GALNT11: variants seen among roughly 807,000 people sequenced by gnomAD.
The protein encoded by GALNT11 is UDP-GalNAc:polypeptide N-acetylgalactosaminyltransferase 11.
In GALNT11, 47 loss-of-function variants were observed where a neutral mutation model predicts 72.7. The observed-to-expected ratio is 0.65, with a 90% CI of 0.51 to 0.82. GALNT11 has a LOEUF of 0.82. Among genes scored for constraint, GALNT11 ranks in the 40% least tolerant of loss-of-function variants. GALNT11 has a pLI of 0.00. For synonymous variants in GALNT11, 270 were observed against 286.6 expected, an observed-to-expected ratio of 0.94 and a Z score of 0.58; for missense variants, 677 against 778.4, an observed-to-expected ratio of 0.87 and a Z score of 1.55.
chr7:152,046,106 C>A (rs1012697542), intron 1 of GALNT11, among the ~76,000 whole-genome samples: 4 of 152,054 alleles, frequency 2.6e-5, no homozygotes, highest in African/African-American at 7.2e-5. Flanking sequence ...TTCCCAAATT[C>A]TTCTTGTAAT....
intron 1 of GALNT11, among the ~76,000 whole-genome samples, chr7:152,069,798 A>T (rs2084519625): frequency 6.6e-6 from 1 of 152,138 alleles, no homozygotes. Context: ...AAAGCTTTAT[A>T]GTTCAAGTTG....
chr7:152,113,095 C>A, intron 7 of GALNT11, 151 bp from the exon 8 acceptor site: 2 of 772,556 alleles, frequency 2.6e-6, no homozygotes, highest in Non-Finnish European at 4.0e-6. Context: ...TTCTCATTTC[C>A]TTCTATTTGA....
chr7:152,117,169 T>C lies in GALNT11; in HGVS notation c.1246T>C (p.Ser416Pro). Residue 416 changes from serine (S) to proline (P), a missense_variant, in exon 9 of 12, where the codon TCC becomes CCC. Transcript: ENST00000430044. ...TTTTTAAATTCAGGAGCAGTATTTT[T>C]CCTTAAGACCTGACCTGAAGACGAA... ...WLDEYKEQYFSLRPDLKTKSY... is the reference protein window; with the variant it reads ...WLDEYKEQYFPLRPDLKTKSY... The C allele has an allele frequency of 6.3e-7, 1 of 1,589,342 alleles. No homozygotes were observed. The highest frequency in any genetic ancestry group is 8.5e-7 in the Non-Finnish European group (1 of 1,172,074).
At chr7:152,119,214 G>T (rs1161173672) in intron 10 of GALNT11, 1 of 152,578 alleles carries the variant, frequency 6.6e-6, no homozygotes, top group Non-Finnish European at 1.5e-5. Context: ...ATGGCCAAGG[G>T]AAGCACTACA....
At chr7:152,048,732 G>C (rs908372184) in intron 1 of GALNT11, among the ~76,000 whole-genome samples, 1 of 151,554 alleles carries the variant, frequency 6.6e-6, no homozygotes, top group Non-Finnish European at 1.5e-5. Context: ...GGGTTTCACT[G>C]TGTTAGCCAG....
In GALNT11 at chr7:152,032,127, C is replaced by T. The variant is rs183743472; in HGVS notation, c.-39+6243C>T. On this transcript the variant is annotated intron_variant, in intron 1 of 11. Coordinates refer to ENST00000430044, the MANE Select transcript of GALNT11 (RefSeq NM_022087.4). ...TCTAGAGTAGCCTGCTGGCATGAGG[C>T]TTCCGAACTGGTAGCCAAAAGTAAA... Among the ~76,000 whole-genome samples the T allele has an allele frequency of 4.1e-4, 63 of 152,328 alleles. 1 individual carries two copies. Among genetic ancestry groups the T allele is most frequent in the African/African-American group, 1.5e-3 (62 of 41,574 alleles).
chr7:152,061,822 C>A (rs1432998464), intron 1 of GALNT11, among the ~76,000 whole-genome samples: 1 of 152,144 alleles, frequency 6.6e-6, no homozygotes, highest in Non-Finnish European at 1.5e-5. Flanking sequence ...TTGTTCTGTT[C>A]CATTGGTCTA....
At chr7:152,030,075 G>A (rs1303935798) in intron 1 of GALNT11, among the ~76,000 whole-genome samples, 1 of 152,138 alleles carries the variant, frequency 6.6e-6, no homozygotes, top group Non-Finnish European at 1.5e-5. Flanking sequence ...AGGGTCGGTG[G>A]GTTTTTTCCC....
At chr7:152,109,066 GA>G (rs1449179343) in intron 6 of GALNT11, among the ~76,000 whole-genome samples, 2 of 152,186 alleles carry the variant, frequency 1.3e-5, no homozygotes, top group African/African-American at 4.8e-5. Context: ...TTAAACCCCA[GA>G]AGCCATTTCT....
chr7:152,035,556 C>T (rs954175408), intron 1 of GALNT11, among the ~76,000 whole-genome samples: 1 of 152,136 alleles, frequency 6.6e-6, no homozygotes, highest in African/African-American at 2.4e-5. Context: ...CTCTGTCGAC[C>T]CTCGGCTCAG....
chr7:152,078,701 C>G (rs1184309364), intron 1 of GALNT11, among the ~76,000 whole-genome samples: 1 of 152,108 alleles, frequency 6.6e-6, no homozygotes, highest in Non-Finnish European at 1.5e-5. Flanking sequence ...TTTCAGAATT[C>G]TGCTGAGAGT....
intron 3 of GALNT11, among the ~76,000 whole-genome samples, chr7:152,102,126 TGAG>T (rs1286898940): frequency 3.9e-5 from 6 of 152,170 alleles, no homozygotes; most frequent in Admixed American, 3.3e-4. Context: ...GAAACCTCAT[TGAG>T]GAGAAGCTGG....
Position 152,114,950 on chromosome 7 carries a change from G to A in GALNT11, c.1233+1552G>A, listed in dbSNP as rs182136343. On this transcript the variant is annotated intron_variant, in intron 8 of 11. Coordinates refer to ENST00000430044, the MANE Select transcript of GALNT11 (RefSeq NM_022087.4). ...GAAGTGCACAGTAATTTTTCACACC[G>A]TGAGGGAAATGTCAACAGAGACATG... 2.2e-4 allele frequency among the ~76,000 whole-genome samples: 34 copies of A among 152,324 alleles called. No homozygotes were observed. The East Asian group carries it at 2.7e-3, about 12-fold the overall frequency.
At chr7:152,045,502 T>A (rs1046982454) in intron 1 of GALNT11, among the ~76,000 whole-genome samples, 1 of 152,222 alleles carries the variant, frequency 6.6e-6, no homozygotes, top group African/African-American at 2.4e-5. Flanking sequence ...TTCTTAATAG[T>A]TCAGTCTTGG....
Position 152,118,613 on chromosome 7 carries a change from C to T in GALNT11, c.1453-65C>T. 8.3e-6 allele frequency: 12 copies of T among 1,451,868 alleles called. 1 individual carries two copies. The South Asian group carries it at 1.5e-4, about 18-fold the overall frequency. The allele number at this position is 1,451,868 out of a possible 1,614,324, so 89.9% of individuals were successfully genotyped here. On this transcript the variant is annotated intron_variant, in intron 9 of 11. Transcript: ENST00000430044. ...ACCTTTCACATTTTGCCTGGAACCA[C>T]CTCCAGGCTTGGGAGGCGTCTCTGG...
intron 1 of GALNT11, among the ~76,000 whole-genome samples, chr7:152,054,094 C>G (rs1304295025): frequency 6.6e-6 from 1 of 152,014 alleles, no homozygotes; most frequent in Non-Finnish European, 1.5e-5. Flanking sequence ...TTTATCTAAT[C>G]CCATGACTCA....
At chr7:152,046,516 G>A (rs555722933) in intron 1 of GALNT11, among the ~76,000 whole-genome samples, 3 of 152,214 alleles carry the variant, frequency 2.0e-5, no homozygotes, top group Admixed American at 6.5e-5. Flanking sequence ...AGTTGTTATA[G>A]TCTCTTGCTG....
chr7:152,032,423 T>C (rs2151984629), intron 1 of GALNT11, among the ~76,000 whole-genome samples: 1 of 152,254 alleles, frequency 6.6e-6, no homozygotes, highest in East Asian at 1.9e-4. Context: ...GAGCAGGGTA[T>C]AGGGGTTGGG....
At chr7:152,086,821 T>G (rs549691505) in intron 1 of GALNT11, among the ~76,000 whole-genome samples, 6 of 152,366 alleles carry the variant, frequency 3.9e-5, no homozygotes, top group African/African-American at 1.4e-4. Flanking sequence ...ATTTAAGTTT[T>G]GAAATGAGAC....
Sources: gnomAD v4.1 joint callset for allele counts (sites outside exome capture counted in the v4.1 genomes callset) on GRCh38, gnomAD v4.1.1 for gene constraint, MANE v1.5 for transcripts, NCBI Gene and HGNC (gene_info 2026-07-23, HGNC 2026-07-21) for gene names.